ADGRL2: variants seen among roughly 807,000 people sequenced by gnomAD.
ADGRL2 encodes the protein calcium-independent alpha-latrotoxin receptor 2.
In ADGRL2, 44 loss-of-function variants were observed where a neutral mutation model predicts 157.4. The observed-to-expected ratio is 0.28, with a 90% CI of 0.22 to 0.36. The LOEUF (loss-of-function observed/expected upper bound fraction) is 0.36, where lower values mean the gene tolerates loss of function less well. ADGRL2 is among the 10% of genes least tolerant of loss of function. The probability of loss-of-function intolerance (pLI) is 1.00; values close to 1 mark genes in which losing one functional copy is unlikely to be tolerated. For missense variants in ADGRL2, 1,510 were observed against 1,768.9 expected (o/e 0.85, Z 2.63); for synonymous variants, 585 against 624.7 (o/e 0.94, Z 0.95).
intron 1 of ADGRL2, among the ~76,000 whole-genome samples, chr1:81,716,992 CT>C (rs965687305): frequency 2.6e-4 from 39 of 152,242 alleles, no homozygotes; most frequent in African/African-American, 9.1e-4. Context: ...TGTCATGAGG[CT>C]TATATGGGAT....
At chr1:81,592,704 T>C (rs1022344367) in intron 3 of ADGRL2, among the ~76,000 whole-genome samples, 2 of 152,228 alleles carry the variant, frequency 1.3e-5, no homozygotes, top group Non-Finnish European at 2.9e-5. Flanking sequence ...AGCTGAAAAC[T>C]GTGAGAGCTT....
At chr1:81,516,036 A>G (rs905262551) in intron 2 of ADGRL2, among the ~76,000 whole-genome samples, 1 of 152,218 alleles carries the variant, frequency 6.6e-6, no homozygotes, top group Non-Finnish European at 1.5e-5. Context: ...TTCAAATTTA[A>G]TAATTCAAAA....
chr1:81,636,222 C>T (rs1162496957), intron 3 of ADGRL2, among the ~76,000 whole-genome samples: 4 of 152,034 alleles, frequency 2.6e-5, no homozygotes, highest in Non-Finnish European at 5.9e-5. Context: ...AACATATCTT[C>T]TAGAAACATA....
intron 2 of ADGRL2, among the ~76,000 whole-genome samples, chr1:81,481,896 A>AT (rs1056288643): frequency 6.6e-6 from 1 of 151,784 alleles, no homozygotes; most frequent in Non-Finnish European, 1.5e-5. Context: ...TCCACTTCTC[A>AT]TTTTTTCAAG....
intron 3 of ADGRL2, among the ~76,000 whole-genome samples, chr1:81,923,345 A>C (rs2095032476): frequency 1.3e-5 from 2 of 152,146 alleles, no homozygotes; most frequent in South Asian, 4.1e-4. Context: ...AAGCCAGTGA[A>C]ATTTGTCATA....
chr1:81,726,741 C>T (rs1279374665), intron 1 of ADGRL2, among the ~76,000 whole-genome samples: 1 of 152,148 alleles, frequency 6.6e-6, no homozygotes, highest in Non-Finnish European at 1.5e-5. Flanking sequence ...TTTCATTTCA[C>T]GTTATATAGC....
chr1:81,814,020 C>A (rs2149713119), intron 1 of ADGRL2, among the ~76,000 whole-genome samples: 1 of 151,692 alleles, frequency 6.6e-6, no homozygotes, highest in South Asian at 2.1e-4. Context: ...AATCTGAATC[C>A]ATTGAAAAGA....
chr1:81,400,466 A>G (rs4412635), intron 1 of ADGRL2, among the ~76,000 whole-genome samples: 27,388 of 151,952 alleles, frequency 0.18, 3,126 homozygotes, highest in Middle Eastern at 0.27. Flanking sequence ...TTACCCCGGG[A>G]GACTGGGAAC....
At chr1:81,525,386 C>A (rs568545093) in intron 2 of ADGRL2, among the ~76,000 whole-genome samples, 5 of 152,064 alleles carry the variant, frequency 3.3e-5, no homozygotes, top group African/African-American at 1.2e-4. Flanking sequence ...GGTGCGATCC[C>A]GGCTCACTGC....
chr1:81,940,821 T>G (rs1647657287), intron 4 of ADGRL2, among the ~76,000 whole-genome samples: 1 of 151,604 alleles, frequency 6.6e-6, no homozygotes. Context: ...CAAGCCTATA[T>G]ACAATGTAAA....
At chr1:81,613,180 T>C (rs1233664282) in intron 3 of ADGRL2, among the ~76,000 whole-genome samples, 1 of 152,250 alleles carries the variant, frequency 6.6e-6, no homozygotes, top group Non-Finnish European at 1.5e-5. Context: ...CCTATAGAAC[T>C]GAGATCATTT....
At chr1:81,877,747 A>G (rs2093879409) in intron 2 of ADGRL2, among the ~76,000 whole-genome samples, 2 of 152,158 alleles carry the variant, frequency 1.3e-5, no homozygotes, top group South Asian at 2.1e-4. Flanking sequence ...AAGGCAAGTT[A>G]GACGTAGACC....
intron 3 of ADGRL2, among the ~76,000 whole-genome samples, chr1:81,929,327 G>A (rs1350545942): frequency 6.6e-6 from 1 of 152,178 alleles, no homozygotes; most frequent in Non-Finnish European, 1.5e-5. Flanking sequence ...AGTGCCATCG[G>A]TGACGGGGAA....
At chr1:81,782,509 G>T (rs1330509109) in intron 2 of ADGRL2, among the ~76,000 whole-genome samples, 1 of 152,234 alleles carries the variant, frequency 6.6e-6, no homozygotes, top group African/African-American at 2.4e-5. Flanking sequence ...ATAGATGTTA[G>T]TTACACCCAG....
intron 3 of ADGRL2, among the ~76,000 whole-genome samples, chr1:81,614,230 G>A (rs1443809460): frequency 6.6e-6 from 1 of 152,166 alleles, no homozygotes; most frequent in Non-Finnish European, 1.5e-5. Context: ...GGGCCTGTGA[G>A]CCTTAACCCT....
At chr1:81,880,483 C>T (rs958743168) in intron 2 of ADGRL2, among the ~76,000 whole-genome samples, 5 of 152,060 alleles carry the variant, frequency 3.3e-5, no homozygotes, top group East Asian at 1.9e-4. Flanking sequence ...AGTAGGCATG[C>T]GGACACTTGA....
intron 3 of ADGRL2, among the ~76,000 whole-genome samples, chr1:81,616,910 T>G (rs1255713946): frequency 6.6e-6 from 1 of 152,160 alleles, no homozygotes; most frequent in Non-Finnish European, 1.5e-5. Context: ...AAGCCAGGGC[T>G]CAAGCAATCT....
chr1:81,510,404 G>A (rs1398256424), intron 2 of ADGRL2, among the ~76,000 whole-genome samples: 1 of 151,948 alleles, frequency 6.6e-6, no homozygotes, highest in Non-Finnish European at 1.5e-5. Context: ...AAAGAAGGCT[G>A]AAAAACAAAA....
chr1:81,813,487 G>A (rs1442974544), intron 1 of ADGRL2, among the ~76,000 whole-genome samples: 3 of 151,554 alleles, frequency 2.0e-5, no homozygotes, highest in South Asian at 2.1e-4. Context: ...TTGTGGTACT[G>A]GTATGGGCTT....
Sources: gnomAD v4.1 joint callset for allele counts (sites outside exome capture counted in the v4.1 genomes callset) on GRCh38, gnomAD v4.1.1 for gene constraint, MANE v1.5 for transcripts, NCBI Gene and HGNC (gene_info 2026-07-23, HGNC 2026-07-21) for gene names.